The following PTPRG variants were observed in gnomAD, a reference collection of about 807,000 sequenced individuals.
PTPRG encodes receptor-type tyrosine-protein phosphatase gamma.
PTPRG carries 102 observed loss-of-function variants against 165.3 expected under a neutral mutation model. That is an observed-to-expected ratio of 0.62 (90% CI 0.53 to 0.73). PTPRG has a LOEUF of 0.73. Ranked by LOEUF, PTPRG falls within the 30% of genes least tolerant of loss-of-function variation. The probability of loss-of-function intolerance (pLI) is 0.00; values close to 1 mark genes in which losing one functional copy is unlikely to be tolerated. For missense variants in PTPRG, 1,866 were observed against 1,861.4 expected, an observed-to-expected ratio of 1.00 and a Z score of -0.05; for synonymous variants, 675 against 669.5, an observed-to-expected ratio of 1.01 and a Z score of -0.13.
chr3:61,807,477 A>G (rs531256578), intron 2 of PTPRG, among the ~76,000 whole-genome samples: 12 of 152,264 alleles, frequency 7.9e-5, no homozygotes, highest in African/African-American at 2.4e-4. Context: ...TTCCTCTTTC[A>G]TCATGTAGAA....
At chr3:61,629,290 G>T (rs187821518) in intron 1 of PTPRG, among the ~76,000 whole-genome samples, 1 of 152,096 alleles carries the variant, frequency 6.6e-6, no homozygotes, top group Non-Finnish European at 1.5e-5. Flanking sequence ...GAGTAGCTGG[G>T]ATTACAGGCA....
intron 2 of PTPRG, among the ~76,000 whole-genome samples, chr3:61,869,804 T>A (rs1211653394): frequency 6.6e-6 from 1 of 152,154 alleles, no homozygotes; most frequent in African/African-American, 2.4e-5. Flanking sequence ...TTTTCCCATG[T>A]TTCCCAGGCT....
intron 1 of PTPRG, among the ~76,000 whole-genome samples, chr3:61,645,292 G>A (rs547016587): frequency 2.6e-5 from 4 of 152,308 alleles, no homozygotes; most frequent in African/African-American, 7.2e-5. Context: ...TCCACACCCC[G>A]CATTCCTTTT....
intron 5 of PTPRG, among the ~76,000 whole-genome samples, chr3:62,093,982 C>G (rs1039439189): frequency 6.6e-6 from 1 of 152,178 alleles, no homozygotes; most frequent in Non-Finnish European, 1.5e-5. Context: ...CCTGCTTCTC[C>G]TATTACCAGT....
rs541254731 is a variant in PTPRG at position 62,164,522 on chromosome 3, T to G, written c.841-3449T>G. On this transcript the variant is annotated intron_variant, in intron 7 of 29. Coordinates refer to ENST00000474889, the MANE Select transcript of PTPRG (RefSeq NM_002841.4). ...TGAGTGTGCTAAGCTCGTCCTCCTT[T>G]CCCTCTTTTGTATGACTGTCAAGCG... is the stretch of plus-strand genomic sequence containing the variant. 1.1e-4 allele frequency among the ~76,000 whole-genome samples: 16 copies of G among 152,208 alleles called. No homozygotes were observed. The South Asian group carries it at 3.3e-3, about 32-fold the overall frequency.
rs1047217277 is a variant in PTPRG, at chr3:61,914,514, C to T, written c.191-75111C>T. Reference sequence around the variant, plus strand: ...CAGCAGTGTAGGAGGCAGATACTTGCCTATGTCCTTGTTTTCACGTTCCGA... The same window carrying T: ...CAGCAGTGTAGGAGGCAGATACTTGTCTATGTCCTTGTTTTCACGTTCCGA... On this transcript the variant is annotated intron_variant, in intron 2 of 29. Transcript: ENST00000474889. Among the ~76,000 whole-genome samples, 15 of 152,302 alleles carry T rather than the reference C, an allele frequency of 9.8e-5. No individual in the cohort carries two copies. In the South Asian group the frequency reaches 3.1e-3, roughly 32 times the overall value.
intron 5 of PTPRG, among the ~76,000 whole-genome samples, chr3:62,093,953 C>T (rs1702027485): frequency 6.6e-6 from 1 of 152,156 alleles, no homozygotes; most frequent in African/African-American, 2.4e-5. Flanking sequence ...AAGTTCTTAC[C>T]TTCTCTCTTC....
intron 1 of PTPRG, among the ~76,000 whole-genome samples, chr3:61,702,414 A>G (rs916894503): frequency 1.1e-4 from 17 of 152,276 alleles, no homozygotes; most frequent in African/African-American, 4.1e-4. Context: ...TTTGAGGCCC[A>G]GGAAATAAAG....
intron 16 of PTPRG, among the ~76,000 whole-genome samples, chr3:62,259,350 A>C (rs1701626580): frequency 6.6e-6 from 1 of 152,188 alleles, no homozygotes; most frequent in African/African-American, 2.4e-5. Context: ...TTGGAAGAAG[A>C]AATGTCTTGG....
chr3:62,164,307 A>T (rs1052157710), intron 7 of PTPRG, among the ~76,000 whole-genome samples: 20 of 152,130 alleles, frequency 1.3e-4, no homozygotes, highest in African/African-American at 4.8e-4. Flanking sequence ...GTATCAGTAG[A>T]TTTCGTCACT....
chr3:61,564,775 C>G (rs997599843), intron 1 of PTPRG, among the ~76,000 whole-genome samples: 1 of 152,168 alleles, frequency 6.6e-6, no homozygotes, highest in Non-Finnish European at 1.5e-5. Context: ...TGGTCGGCCT[C>G]GGCCACCTCC....
At position 62,289,708 on chromosome 3, in the gene PTPRG, C is replaced by A. The variant is rs368294613; in HGVS notation, c.4056-2713C>A. 5.1e-3 allele frequency among the ~76,000 whole-genome samples: 689 copies of A among 134,118 alleles called. 12 individuals are homozygous for A. Among genetic ancestry groups the A allele is most frequent in the African/African-American group, 0.017 (656 of 37,908 alleles). 88.0% of individuals were successfully genotyped at this position (134,118 alleles called of 152,430 possible). A position where few individuals can be genotyped will look rare whatever the true frequency, so the allele number is the denominator to read the frequency against. On this transcript the variant is annotated intron_variant, in intron 28 of 29. Transcript: ENST00000474889. ...AACACCCATTCATGATCCCCCCCCC[C>A]CAAAAAAAACACTTAGAGTAAAAAT...
At chr3:61,863,153 C>T (rs2037318202) in intron 2 of PTPRG, among the ~76,000 whole-genome samples, 1 of 152,220 alleles carries the variant, frequency 6.6e-6, no homozygotes, top group African/African-American at 2.4e-5. Context: ...CTGAATGTCT[C>T]TCTGGGCTGC....
At chr3:61,658,105 T>C (rs979088796) in intron 1 of PTPRG, among the ~76,000 whole-genome samples, 1 of 152,218 alleles carries the variant, frequency 6.6e-6, no homozygotes, top group Non-Finnish European at 1.5e-5. Context: ...CTCTGATTTC[T>C]AGATTTGGAA....
chr3:62,049,039 G>T (rs1700385217), intron 4 of PTPRG, among the ~76,000 whole-genome samples: 1 of 151,942 alleles, frequency 6.6e-6, no homozygotes, highest in Non-Finnish European at 1.5e-5. Flanking sequence ...TAGAAGAAAT[G>T]ACTTTGACAC....
intron 2 of PTPRG, among the ~76,000 whole-genome samples, chr3:61,956,090 T>TTATATA (rs139960761): frequency 0.011 from 1,629 of 149,062 alleles, 52 homozygotes; most frequent in East Asian, 0.092. Flanking sequence ...GGGAAAAAAA[T>TTATATA]TATATATATA....
chr3:62,231,193 C>T, intron 13 of PTPRG, 32 bp from the exon 14 acceptor site: 3 of 1,494,952 alleles, frequency 2.0e-6, no homozygotes, highest in South Asian at 1.4e-5. Flanking sequence ...CTGTATTCTA[C>T]ACCTGTTCTC....
intron 13 of PTPRG, among the ~76,000 whole-genome samples, chr3:62,225,667 T>A (rs1700747821): frequency 6.6e-6 from 1 of 151,894 alleles, no homozygotes; most frequent in South Asian, 2.1e-4. Flanking sequence ...CTTTTTTTTT[T>A]TTTTTGAGAT....
rs757504918 is a variant in PTPRG, at chr3:62,255,152, G to C, written c.2496G>C (p.Gln832His). Residue 832 changes from glutamine to histidine, a missense_variant, in exon 16 of 30, where the codon CAG becomes CAC. Gln to His is a conservative substitution (Grantham distance 24). This residue lies in a region of PTPRG where 1,452 missense variants were observed against 1,463.0 expected (regional missense o/e 0.99). Coordinates refer to ENST00000474889, the MANE Select transcript of PTPRG (RefSeq NM_002841.4). This position sits in a 1 kb window ranked among gnomAD's most constrained non-coding sequence, Gnocchi z 4.0. ...ACATGGAAGCCATTCCTGTCAAACA[G>C]TTTGTCAAACACATCGGTGAGCTCT... ...PDDMEAIPVK[Q>H]FVKHIGELYS... 7.4e-6 allele frequency: 12 copies of C among 1,613,088 alleles called. No individual in the cohort carries two copies. The highest frequency in any genetic ancestry group is 1.0e-5 in the Non-Finnish European group (12 of 1,179,490).
Sources: allele counts gnomAD v4.1 joint callset (sites outside exome capture counted in the v4.1 genomes callset), GRCh38; gene constraint gnomAD v4.1.1; regional missense constraint gnomAD v4.1.1; non-coding constraint Gnocchi (gnomAD v3.1); transcripts MANE v1.5; gene names NCBI Gene and HGNC (gene_info 2026-07-23, HGNC 2026-07-21).